The following TMEM161B variants were observed in gnomAD, a reference collection of about 807,000 sequenced individuals.
TMEM161B encodes the protein transmembrane protein 161B.
Under a neutral mutation model 61.8 loss-of-function variants are expected in TMEM161B, and 34 were observed. The ratio of observed to expected loss-of-function variants is 0.55; its 90% confidence interval spans 0.42 to 0.73. The LOEUF is 0.73. Ranked by LOEUF, TMEM161B falls within the 30% of genes least tolerant of loss-of-function variation. TMEM161B has a pLI of 0.00. For missense variants in TMEM161B, 456 were observed against 558.5 expected (o/e 0.82, Z 1.85); for synonymous variants, 167 against 192.8 (o/e 0.87, Z 1.11).
intron 1 of TMEM161B, among the ~76,000 whole-genome samples, chr5:88,243,768 CT>C (rs1204670186): frequency 6.6e-6 from 1 of 151,870 alleles, no homozygotes; most frequent in African/African-American, 2.4e-5. Context: ...CTATTTTTGA[CT>C]TTTTATTAAC....
At chr5:88,212,314 C>G (rs965519761) in intron 5 of TMEM161B, among the ~76,000 whole-genome samples, 13 of 152,234 alleles carry the variant, frequency 8.5e-5, no homozygotes, top group African/African-American at 2.9e-4. Flanking sequence ...GCCACCAAAA[C>G]ATTTTGACAA....
chr5:88,208,324 A>G (rs989187578), intron 5 of TMEM161B, among the ~76,000 whole-genome samples: 1 of 152,136 alleles, frequency 6.6e-6, no homozygotes, highest in African/African-American at 2.4e-5. Context: ...TCTACTAAAA[A>G]TACAAAAACT....
chr5:88,223,509 CA>C (rs1749401098), intron 4 of TMEM161B, among the ~76,000 whole-genome samples: 1 of 152,002 alleles, frequency 6.6e-6, no homozygotes, highest in South Asian at 2.1e-4. Flanking sequence ...AACTACTAAT[CA>C]AAAAGTCAAA....
intron 1 of TMEM161B, among the ~76,000 whole-genome samples, chr5:88,260,328 C>A (rs1485035903): frequency 6.6e-6 from 1 of 152,136 alleles, no homozygotes; most frequent in Non-Finnish European, 1.5e-5. Context: ...ACAGTATTTC[C>A]AAATTTACAT....
At chr5:88,192,711 G>C (rs1205245667), downstream of TMEM161B, among the ~76,000 whole-genome samples, 3 of 152,190 alleles carry the variant, frequency 2.0e-5, no homozygotes, top group Non-Finnish European at 4.4e-5. Flanking sequence ...GACACAGGAT[G>C]ATCTGCATTT....
chr5:88,240,746 G>T (rs182530424), intron 2 of TMEM161B, 67 bp downstream of exon 2: 2 of 1,189,376 alleles, frequency 1.7e-6, no homozygotes, highest in Non-Finnish European at 2.5e-6. Context: ...CAGTAACTAG[G>T]AATTTAATCA....
At chr5:88,192,119 C>T (rs1216978818), downstream of TMEM161B, among the ~76,000 whole-genome samples, 7 of 136,704 alleles carry the variant, frequency 5.1e-5, no homozygotes, top group Non-Finnish European at 9.2e-5. Context: ...TTTTCTGATT[C>T]TTAGATTAGC....
downstream of TMEM161B, among the ~76,000 whole-genome samples, chr5:88,189,477 T>G (rs1748574299): frequency 6.6e-6 from 1 of 152,140 alleles, no homozygotes; most frequent in South Asian, 2.1e-4. Context: ...AGGCTGGGAT[T>G]CCCTCTACCT....
At chr5:88,219,740 A>T (rs1300575729) in intron 5 of TMEM161B, among the ~76,000 whole-genome samples, 1 of 152,168 alleles carries the variant, frequency 6.6e-6, no homozygotes, top group Non-Finnish European at 1.5e-5. Flanking sequence ...TCTATCAAGT[A>T]TGAGGGAAAA....
chr5:88,257,727 G>A (rs1233350902), intron 1 of TMEM161B, among the ~76,000 whole-genome samples: 1 of 152,100 alleles, frequency 6.6e-6, no homozygotes, highest in African/African-American at 2.4e-5. Context: ...ATTGCTAATG[G>A]CAATGAATAA....
At chr5:88,198,653 TAAGTCTTA>T (rs1354641779) in intron 10 of TMEM161B, 1 of 188,204 alleles carries the variant, frequency 5.3e-6, no homozygotes, top group Non-Finnish European at 1.1e-5. Context: ...TCCTACTCTT[TAAGTCTTA>T]AAGTCTGGAC....
downstream of TMEM161B, among the ~76,000 whole-genome samples, chr5:88,194,860 C>T (rs1749363982): frequency 6.6e-6 from 1 of 151,984 alleles, no homozygotes; most frequent in Admixed American, 6.6e-5. Flanking sequence ...AAAAAAACTA[C>T]CTTTATCTCT....
intron 1 of TMEM161B, 36 bp from the exon 2 acceptor site, chr5:88,240,952 G>T: frequency 7.0e-7 from 1 of 1,423,308 alleles, no homozygotes; most frequent in Non-Finnish European, 9.5e-7. Context: ...AATAATGAAT[G>T]ATTTTGGATT....
At chr5:88,189,809 AAAT>A in exon 13 of TMEM161B, 1 of 454,406 alleles carries the variant, frequency 2.2e-6, no homozygotes, top group Non-Finnish European at 4.0e-6. Context: ...ATCTAATTTT[AAAT>A]AATACCATAG....
downstream of TMEM161B, among the ~76,000 whole-genome samples, chr5:88,185,992 T>C (rs1320925758): frequency 6.6e-6 from 1 of 152,214 alleles, no homozygotes; most frequent in Non-Finnish European, 1.5e-5. Flanking sequence ...AAAACACATT[T>C]GTTAAAACTG....
chr5:88,251,671 G>T (rs1233269867), intron 1 of TMEM161B, among the ~76,000 whole-genome samples: 1 of 152,008 alleles, frequency 6.6e-6, no homozygotes, highest in East Asian at 1.9e-4. Flanking sequence ...GTTTCAAAAA[G>T]AACTATATAT....
rs1007308695 is a variant in TMEM161B at position 88,197,579 on chromosome 5, A to C, written c.1186+90T>G. 6.6e-6 allele frequency: 7 copies of C among 1,057,310 alleles called. No homozygotes were observed. The African/African-American group carries it at 9.7e-5, about 15-fold the overall frequency. The allele number at this position is 1,057,310 out of a possible 1,614,324, so 65.5% of individuals were successfully genotyped here. On this transcript the variant is annotated intron_variant, in intron 11 of 11. Coordinates refer to ENST00000296595, the MANE Select transcript of TMEM161B (RefSeq NM_153354.5). ...AACTTTTAAAAAGAGAAACAATTTT[A>C]AGAGTTGCATTTCTTTGTTGGTGAC...
chr5:88,208,157 C>T (rs1490494619), intron 5 of TMEM161B, among the ~76,000 whole-genome samples: 1 of 152,044 alleles, frequency 6.6e-6, no homozygotes, highest in African/African-American at 2.4e-5. Flanking sequence ...TGAGACCAGC[C>T]TGGCCAACAC....
chr5:88,191,974 A>C (rs1464498023), downstream of TMEM161B, among the ~76,000 whole-genome samples: 3 of 85,924 alleles, frequency 3.5e-5, no homozygotes, highest in East Asian at 1.0e-3. Context: ...AAAAAAAAAA[A>C]AAAAAGTGTA....
Sources: allele counts gnomAD v4.1 joint callset (sites outside exome capture counted in the v4.1 genomes callset), GRCh38; gene constraint gnomAD v4.1.1; transcripts MANE v1.5; gene names NCBI Gene and HGNC (gene_info 2026-07-23, HGNC 2026-07-21).